The following PPTC7 variants were observed in gnomAD, a reference collection of about 807,000 sequenced individuals.
PPTC7 encodes protein phosphatase targeting COQ7, also known as protein phosphatase PTC7 homolog.
PPTC7 carries 6 observed loss-of-function variants against 30.8 expected under a neutral mutation model. That is an observed-to-expected ratio of 0.19 (90% CI 0.11 to 0.38). PPTC7 has a LOEUF of 0.38. Among genes scored for constraint, PPTC7 ranks in the 10% least tolerant of loss-of-function variants. The probability of loss-of-function intolerance (pLI) is 1.00; values close to 1 mark genes in which losing one functional copy is unlikely to be tolerated. For synonymous variants in PPTC7, 163 were observed against 168.1 expected, an observed-to-expected ratio of 0.97 and a Z score of 0.23; for missense variants, 218 against 404.8, an observed-to-expected ratio of 0.54 and a Z score of 3.96.
rs1259693871 is a variant in PPTC7 at position 110,534,180 on chromosome 12, A to G, written c.*2857T>C. ...GTTCATAGGAAGAAATAAGGTTCTGATATGTTTAGAGTGCACATTTTAAAA... is the reference window on the plus strand; with the variant it reads ...GTTCATAGGAAGAAATAAGGTTCTGGTATGTTTAGAGTGCACATTTTAAAA... On this transcript the variant is annotated 3_prime_UTR_variant, in exon 6 of 6. Transcript: ENST00000354300. 6.6e-6 allele frequency: 1 copy of G among 151,376 alleles called. No individual in the cohort carries two copies. Among genetic ancestry groups the G allele is most frequent in the South Asian group, 2.1e-4 (1 of 4,808 alleles). 9.4% of individuals were successfully genotyped at this position (151,376 alleles called of 1,614,324 possible).
At chr12:110,544,081 T>C (rs1398736459) in intron 3 of PPTC7, among the ~76,000 whole-genome samples, 1 of 152,206 alleles carries the variant, frequency 6.6e-6, no homozygotes, top group Non-Finnish European at 1.5e-5. Flanking sequence ...ACAGCCAACT[T>C]TAGAAGGGCC....
At chr12:110,539,797 A>G (rs541641160) in intron 4 of PPTC7, 25 bp downstream of exon 4, 1 of 1,610,954 alleles carries the variant, frequency 6.2e-7, no homozygotes, top group Admixed American at 1.7e-5. Flanking sequence ...CACTTTTCCC[A>G]AGAGCTAACC....
In PPTC7 at chr12:110,582,848, C is replaced by A; in HGVS notation, c.184G>T (p.Ala62Ser). The stretch of plus-strand genomic sequence containing the variant: ...GAACGGTGCCGGGCCACGAAGCACG[C>A]GTCGTCCCCGTAGCACGCGCCCTTC... ...LKKGACYGDDACFVARHRSAD... is the reference protein window; with the variant it reads ...LKKGACYGDDSCFVARHRSAD... The change falls in exon 1 of 6, where the codon GCG (alanine) becomes TCG (serine). Residue 62 changes from alanine to serine, a missense_variant. By Grantham distance (99) the Ala-to-Ser change is moderately conservative. Transcript: ENST00000354300. 1.3e-6 allele frequency: 2 copies of A among 1,561,452 alleles called. No homozygotes were observed. Among genetic ancestry groups the A allele is most frequent in the Non-Finnish European group, 1.7e-6 (2 of 1,152,958 alleles).
chr12:110,564,863 T>C (rs1277279804), intron 1 of PPTC7, among the ~76,000 whole-genome samples: 2 of 151,332 alleles, frequency 1.3e-5, no homozygotes, highest in African/African-American at 2.4e-5. Context: ...TATATGTATA[T>C]GTGTATATAT....
intron 3 of PPTC7, among the ~76,000 whole-genome samples, chr12:110,544,732 G>A (rs1443990086): frequency 2.0e-5 from 3 of 152,122 alleles, no homozygotes; most frequent in African/African-American, 7.2e-5. Context: ...TACTTGGGAG[G>A]CTGAGGCAGG....
At chr12:110,579,733 C>G (rs2064620489) in intron 1 of PPTC7, among the ~76,000 whole-genome samples, 1 of 152,160 alleles carries the variant, frequency 6.6e-6, no homozygotes, top group African/African-American at 2.4e-5. Flanking sequence ...AAAATATGGG[C>G]TGGGCGCGGT....
Position 110,583,067 on chromosome 12 carries a change from G to A in PPTC7, c.-36C>T, listed in dbSNP as rs1167550082. 7.4e-7 allele frequency: 1 copy of A among 1,360,044 alleles called. No individual in the cohort carries two copies. The highest frequency in any genetic ancestry group is 9.4e-7 in the Non-Finnish European group (1 of 1,065,262). The allele number at this position is 1,360,044 out of a possible 1,614,324, so 84.2% of individuals were successfully genotyped here. On this transcript the variant is annotated 5_prime_UTR_variant, in exon 1 of 6. Transcript: ENST00000354300. ...GCCCCCCCGAGGAGGCGGGGGGCCG[G>A]GGGAGCAGGAGGACGCGGAGGCCCG...
chr12:110,566,862 A>C (rs2064488250), intron 1 of PPTC7, among the ~76,000 whole-genome samples: 1 of 152,180 alleles, frequency 6.6e-6, no homozygotes, highest in South Asian at 2.1e-4. Context: ...TAATAAACAT[A>C]TATTTGTCTC....
intron 1 of PPTC7, among the ~76,000 whole-genome samples, chr12:110,565,065 G>A (rs1329955908): frequency 6.6e-6 from 1 of 151,052 alleles, no homozygotes; most frequent in Non-Finnish European, 1.5e-5. Context: ...TAGTAGAGAC[G>A]GGGTTTCACC....
rs573162071 is a variant in PPTC7 at position 110,582,813 on chromosome 12, C to T, written c.219G>A (p.Val73=). ...CFVARHRSAD[V]LGVADGVGGW... ...GGAACCGGGTCGGGGACTCACCGAG[C>T]ACGTCCGCGGAACGGTGCCGGGCCA... is the stretch of plus-strand genomic sequence containing the variant. The change falls in exon 1 of 6, where the codon GTG becomes GTA. Residue 73 remains valine, a synonymous_variant. Transcript: ENST00000354300. 25 of 1,558,530 alleles carry T rather than the reference C, an allele frequency of 1.6e-5. No individual in the cohort carries two copies. In the South Asian group the frequency reaches 2.7e-4, roughly 17 times the overall value.
At chr12:110,548,903 G>A (rs1381443458) in intron 2 of PPTC7, among the ~76,000 whole-genome samples, 3 of 152,210 alleles carry the variant, frequency 2.0e-5, no homozygotes, top group South Asian at 2.1e-4. Flanking sequence ...ATGTGTGCAC[G>A]TGGCTCAGGC....
At chr12:110,582,548 C>T (rs563942121) in intron 1 of PPTC7, among the ~76,000 whole-genome samples, 3 of 152,312 alleles carry the variant, frequency 2.0e-5, no homozygotes, top group African/African-American at 7.2e-5. Flanking sequence ...TCGGACAGAC[C>T]GGTCACACTC....
At chr12:110,558,648 C>T (rs1299218465) in intron 1 of PPTC7, among the ~76,000 whole-genome samples, 3 of 152,224 alleles carry the variant, frequency 2.0e-5, no homozygotes, top group African/African-American at 7.2e-5. Flanking sequence ...TTTTTTGAGA[C>T]GGAGTCTCGC....
chr12:110,557,841 G>C (rs1301967453), intron 1 of PPTC7, among the ~76,000 whole-genome samples: 1 of 152,154 alleles, frequency 6.6e-6, no homozygotes, highest in Non-Finnish European at 1.5e-5. Context: ...ATGGCAGAAG[G>C]GGAAGCAAAC....
At chr12:110,542,673 C>CAAAAAAAA (rs765332697) in intron 3 of PPTC7, among the ~76,000 whole-genome samples, 11 of 26,784 alleles carry the variant, frequency 4.1e-4, no homozygotes, top group Admixed American at 9.1e-4. Context: ...GACTCTGTCT[C>CAAAAAAAA]AAAAAAAAAA....
chr12:110,564,759 T>C (rs372373766), intron 1 of PPTC7, among the ~76,000 whole-genome samples: 2 of 148,502 alleles, frequency 1.3e-5, no homozygotes, highest in African/African-American at 5.0e-5. Flanking sequence ...TATATACACA[T>C]ATATATACAC....
At chr12:110,539,411 G>A (rs1259450207) in intron 4 of PPTC7, among the ~76,000 whole-genome samples, 1 of 152,186 alleles carries the variant, frequency 6.6e-6, no homozygotes, top group Non-Finnish European at 1.5e-5. Flanking sequence ...CATACTATTT[G>A]GTTACTGGTG....
chr12:110,563,122 CAAAAAAAAA>C (rs766517371), intron 1 of PPTC7, among the ~76,000 whole-genome samples: 7 of 43,118 alleles, frequency 1.6e-4, no homozygotes, highest in South Asian at 1.3e-3. Flanking sequence ...GACTCCATCT[CAAAAAAAAA>C]AAAAAAAAAA....
chr12:110,562,543 C>T (rs1181772105), intron 1 of PPTC7, among the ~76,000 whole-genome samples: 4 of 151,938 alleles, frequency 2.6e-5, no homozygotes, highest in Admixed American at 1.3e-4. Context: ...CCTATAATCC[C>T]GCACTTTGGG....
Sources: allele counts gnomAD v4.1 joint callset (sites outside exome capture counted in the v4.1 genomes callset), GRCh38; gene constraint gnomAD v4.1.1; transcripts MANE v1.5; gene names NCBI Gene and HGNC (gene_info 2026-07-23, HGNC 2026-07-21).